Variants in USP12 observed in about 807,000 individuals in gnomAD.
USP12 encodes the protein ubiquitin specific peptidase 12, also known as ubiquitin carboxyl-terminal hydrolase 12.
A neutral mutation model predicts 45.5 loss-of-function variants in USP12; 19 were observed. That is an observed-to-expected ratio of 0.42 (90% confidence interval 0.29 to 0.61). The LOEUF (loss-of-function observed/expected upper bound fraction) is 0.61. Ranked by LOEUF, USP12 falls within the 20% of genes least tolerant of loss-of-function variation. USP12 has a pLI of 0.22. For missense variants in USP12, 242 were observed against 447.7 expected (o/e 0.54, Z 4.15); for synonymous variants, 149 against 148.8 (o/e 1.00, Z -0.01).
chr13:27,171,189 C>T (rs1226244388), intron 1 of USP12, among the ~76,000 whole-genome samples: 2 of 150,954 alleles, frequency 1.3e-5, no homozygotes, highest in African/African-American at 4.8e-5. Context: ...GGCCCGGGGC[C>T]GCGCTCTGGC....
At chr13:27,158,478 C>CA (rs1280271233) in intron 1 of USP12, among the ~76,000 whole-genome samples, 1 of 152,182 alleles carries the variant, frequency 6.6e-6, no homozygotes, top group Non-Finnish European at 1.5e-5. Context: ...GCAATTTCAT[C>CA]ATGGTGCGTA....
rs56082282 is a variant in USP12 at position 27,094,377 on chromosome 13, T to C, written c.573+1224A>G. On this transcript the variant is annotated intron_variant, in intron 4 of 8. Transcript: ENST00000282344. Reference sequence around the variant, plus strand: ...ACTAGCTGGGGGTGATGGCATGCACTGTAGTCCTAGTTACTCAGAAGGCTG... The same window carrying C: ...ACTAGCTGGGGGTGATGGCATGCACCGTAGTCCTAGTTACTCAGAAGGCTG... Among the ~76,000 whole-genome samples the C allele has an allele frequency of 8.4e-3, 1,285 of 152,110 alleles. 18 individuals are homozygous for C. Among genetic ancestry groups the C allele is most frequent in the African/African-American group, 0.03 (1,228 of 41,492 alleles).
At chr13:27,130,182 G>A (rs1052992781) in intron 1 of USP12, among the ~76,000 whole-genome samples, 1 of 152,158 alleles carries the variant, frequency 6.6e-6, no homozygotes, top group Non-Finnish European at 1.5e-5. Context: ...CAACAATTTA[G>A]GATTGTGCAT....
At chr13:27,074,376 G>A (rs1873382905) in intron 7 of USP12, among the ~76,000 whole-genome samples, 1 of 151,968 alleles carries the variant, frequency 6.6e-6, no homozygotes, top group South Asian at 2.1e-4. Context: ...CTCCAGCCTG[G>A]GCCACAGAGC....
intron 3 of USP12, among the ~76,000 whole-genome samples, chr13:27,102,754 A>G (rs545201616): frequency 2.0e-5 from 3 of 152,308 alleles, no homozygotes; most frequent in Admixed American, 6.5e-5. Flanking sequence ...ACAGTGACAC[A>G]TTACATCACA....
At chr13:27,165,648 C>T (rs1403865011) in intron 1 of USP12, among the ~76,000 whole-genome samples, 1 of 152,030 alleles carries the variant, frequency 6.6e-6, no homozygotes, top group Non-Finnish European at 1.5e-5. Flanking sequence ...AAGAAATAAA[C>T]ATGGAACCTC....
Position 27,144,525 on chromosome 13 carries a change from G to A in USP12, c.48+27067C>T, listed in dbSNP as rs546166231. On this transcript the variant is annotated intron_variant, in intron 1 of 8. Coordinates refer to ENST00000282344, the MANE Select transcript of USP12 (RefSeq NM_182488.4). ...AAAAAAAAAAAAAAAAAAAAAGGTG[G>A]TAGGTCAACTTGAGACTGCTATATA... is the stretch of plus-strand genomic sequence containing the variant. Among the ~76,000 whole-genome samples, 3 of 146,528 alleles carry A rather than the reference G, an allele frequency of 2.0e-5. No homozygotes were observed. The East Asian group carries it at 6.0e-4, about 29-fold the overall frequency.
chr13:27,149,723 C>G (rs1877485868), intron 1 of USP12, among the ~76,000 whole-genome samples: 3 of 152,204 alleles, frequency 2.0e-5, no homozygotes, highest in Admixed American at 1.3e-4. Flanking sequence ...AGTCCCCAAC[C>G]TTTTCGGCAT....
intron 3 of USP12, among the ~76,000 whole-genome samples, chr13:27,099,275 T>G (rs139954776): frequency 1.3e-5 from 2 of 152,120 alleles, no homozygotes; most frequent in East Asian, 3.9e-4. Flanking sequence ...CATGTATTAT[T>G]TGCATGCTTA....
At chr13:27,115,173 G>A (rs1004060368) in intron 2 of USP12, among the ~76,000 whole-genome samples, 6 of 152,084 alleles carry the variant, frequency 3.9e-5, no homozygotes, top group Non-Finnish European at 7.4e-5. Flanking sequence ...AAGACAAAGC[G>A]TCCTCTGATG....
intron 3 of USP12, among the ~76,000 whole-genome samples, chr13:27,099,192 G>A (rs1406037372): frequency 6.6e-6 from 1 of 152,180 alleles, no homozygotes; most frequent in African/African-American, 2.4e-5. Context: ...TGAGGAGCTG[G>A]GGAGGAAGCA....
At chr13:27,137,830 A>C (rs939928852) in intron 1 of USP12, among the ~76,000 whole-genome samples, 1 of 152,208 alleles carries the variant, frequency 6.6e-6, no homozygotes, top group Non-Finnish European at 1.5e-5. Context: ...TACTGCTAGC[A>C]GACTTGCTCC....
intron 2 of USP12, among the ~76,000 whole-genome samples, chr13:27,110,134 A>T (rs1248008372): frequency 2.0e-5 from 3 of 151,172 alleles, no homozygotes; most frequent in Non-Finnish European, 3.0e-5. Context: ...AGGTAAAAAA[A>T]AAAAAAAAAA....
chr13:27,161,929 G>T (rs1049630869), intron 1 of USP12, among the ~76,000 whole-genome samples: 1 of 151,934 alleles, frequency 6.6e-6, no homozygotes, highest in African/African-American at 2.4e-5. Context: ...CTCATTAACT[G>T]TACATTTTTA....
intron 1 of USP12, among the ~76,000 whole-genome samples, chr13:27,136,987 TA>T (rs1266206884): frequency 6.6e-6 from 1 of 152,184 alleles, no homozygotes; most frequent in Non-Finnish European, 1.5e-5. Context: ...AATATACATT[TA>T]AGTTTTCCCA....
chr13:27,084,684 G>C (rs1593175370), intron 6 of USP12, among the ~76,000 whole-genome samples: 1 of 152,068 alleles, frequency 6.6e-6, no homozygotes, highest in Non-Finnish European at 1.5e-5. Flanking sequence ...TAGCACCCTT[G>C]ATGAAGATCA....
chr13:27,152,079 G>C (rs1224589940), intron 1 of USP12, among the ~76,000 whole-genome samples: 1 of 152,094 alleles, frequency 6.6e-6, no homozygotes, highest in African/African-American at 2.4e-5. Flanking sequence ...TCCATCTCTG[G>C]AAAACAGTCT....
At chr13:27,135,743 TA>T (rs1876774201) in intron 1 of USP12, among the ~76,000 whole-genome samples, 1 of 152,074 alleles carries the variant, frequency 6.6e-6, no homozygotes, top group South Asian at 2.1e-4. Context: ...AATATTAGTC[TA>T]AAGAATATAT....
intron 6 of USP12, 53 bp downstream of exon 6, chr13:27,089,830 C>T: frequency 6.4e-7 from 1 of 1,561,216 alleles, no homozygotes. Flanking sequence ...CCACCTCCAA[C>T]ATCAATTACA....
Sources: gnomAD v4.1 joint callset for allele counts (sites outside exome capture counted in the v4.1 genomes callset) on GRCh38, gnomAD v4.1.1 for gene constraint, MANE v1.5 for transcripts, NCBI Gene and HGNC (gene_info 2026-07-23, HGNC 2026-07-21) for gene names.